SAMD12: variants seen among roughly 807,000 people sequenced by gnomAD.
SAMD12 encodes sterile alpha motif domain-containing protein 12.
In SAMD12, 9 loss-of-function variants were observed where a neutral mutation model predicts 15.0. The ratio of observed to expected loss-of-function variants is 0.60; its 90% CI spans 0.36 to 1.05. SAMD12 has a LOEUF of 1.05. Ranked by LOEUF, SAMD12 falls within the 50% of genes least tolerant of loss-of-function variation. SAMD12 has a pLI of 0.01. For synonymous variants in SAMD12, 86 were observed against 90.1 expected (o/e 0.96, Z 0.25); for missense variants, 230 against 234.2 (o/e 0.98, Z 0.12).
intron 4 of SAMD12, among the ~76,000 whole-genome samples, chr8:118,354,718 G>A (rs1047050488): frequency 6.6e-6 from 1 of 152,318 alleles, no homozygotes; most frequent in East Asian, 1.9e-4. Context: ...CATTTCAGAA[G>A]TTCTACTGGT....
rs75058625 is a variant in SAMD12, at chr8:118,414,837, A to T, written c.322+24995T>A. ...CCTAGTGGCGACACTAACCAGAAGG[A>T]CCCCTCCCTTTGCACAGAGTGGGAC... On this transcript the variant is annotated intron_variant, in intron 3 of 3. Transcript: ENST00000314727. Among the ~76,000 whole-genome samples the T allele has an allele frequency of 6.3e-3, 953 of 152,290 alleles. 42 individuals carry two copies. The East Asian group carries it at 0.12, about 20-fold the overall frequency.
At chr8:118,548,887 G>T (rs1283495618) in intron 2 of SAMD12, among the ~76,000 whole-genome samples, 3 of 152,372 alleles carry the variant, frequency 2.0e-5, no homozygotes, top group Non-Finnish European at 2.9e-5. Flanking sequence ...CCCGCACCTG[G>T]CTTGGAGGGT....
chr8:118,593,873 A>C (rs1381976487), intron 1 of SAMD12, among the ~76,000 whole-genome samples: 1 of 152,232 alleles, frequency 6.6e-6, no homozygotes, highest in African/African-American at 2.4e-5. Flanking sequence ...TAATGCCACT[A>C]TTCTAAAAAT....
At chr8:118,133,849 T>G in the SAMD12 span, among the ~76,000 whole-genome samples, 1 of 152,236 alleles carries the variant, frequency 6.6e-6, no homozygotes, top group East Asian at 1.9e-4. Flanking sequence ...TAAAAAATTA[T>G]TCTCCAGCTT....
At chr8:118,295,378 T>C (rs1814649580) in intron 4 of SAMD12, among the ~76,000 whole-genome samples, 1 of 152,208 alleles carries the variant, frequency 6.6e-6, no homozygotes, top group African/African-American at 2.4e-5. Flanking sequence ...TTCTAAAGCT[T>C]AGAGATGCTT....
At chr8:118,138,421 A>T in the SAMD12 span, among the ~76,000 whole-genome samples, 1 of 152,170 alleles carries the variant, frequency 6.6e-6, no homozygotes, top group Non-Finnish European at 1.5e-5. Flanking sequence ...CAGAGCCCTG[A>T]TATTTGGGAT....
In SAMD12 at chr8:118,579,057, T is replaced by C. The variant is rs76343875; in HGVS notation, c.192+1658A>G. Among the ~76,000 whole-genome samples the C allele has an allele frequency of 9.0e-3, 1,372 of 152,266 alleles. 46 individuals carry two copies. The highest frequency in any genetic ancestry group is 0.049 in the Admixed American group (754 of 15,278). ...GACACAAAATTTCAGGATTCACAAT[T>C]CACATATTCAAGATAATCAGAAATA... On this transcript the variant is annotated intron_variant, in intron 2 of 3. Transcript: ENST00000314727.
At chr8:118,551,346 C>G (rs933342248) in intron 2 of SAMD12, among the ~76,000 whole-genome samples, 1 of 152,120 alleles carries the variant, frequency 6.6e-6, no homozygotes, top group Non-Finnish European at 1.5e-5. Flanking sequence ...ATAGTGCAAT[C>G]AAACTAGAAC....
intron 2 of SAMD12, among the ~76,000 whole-genome samples, chr8:118,456,568 T>G (rs182384327): frequency 2.0e-5 from 3 of 152,316 alleles, no homozygotes; most frequent in Admixed American, 1.3e-4. Flanking sequence ...GAATAAAACC[T>G]TTTCTCCATG....
At chr8:118,239,929 G>A (rs950414484) in intron 4 of SAMD12, 2 of 152,052 alleles carry the variant, frequency 1.3e-5, no homozygotes, top group African/African-American at 4.8e-5. Context: ...CATGATCTTG[G>A]TCATTCTTTT....
the SAMD12 span, among the ~76,000 whole-genome samples, chr8:118,164,375 C>A: frequency 6.6e-6 from 1 of 152,166 alleles, no homozygotes; most frequent in Non-Finnish European, 1.5e-5. Context: ...CCACCCACGC[C>A]ACTGTCAAGG....
chr8:118,200,167 A>G (rs1408745959), intron 4 of SAMD12, among the ~76,000 whole-genome samples: 2 of 152,100 alleles, frequency 1.3e-5, no homozygotes, highest in Non-Finnish European at 2.9e-5. Context: ...GCCACGTGGA[A>G]CTGTGAGTCA....
exon 5 of SAMD12, chr8:118,191,757 TA>T (rs1163902203): frequency 0.022 from 146 of 6,720 alleles, 12 homozygotes; most frequent in African/African-American, 0.14. Context: ...TACTGGAGAT[TA>T]TATATATATA....
At chr8:118,170,699 A>G in the SAMD12 span, among the ~76,000 whole-genome samples, 1 of 152,196 alleles carries the variant, frequency 6.6e-6, no homozygotes, top group African/African-American at 2.4e-5. Flanking sequence ...TTAAAGATGT[A>G]GATGTAGAAG....
intron 2 of SAMD12, among the ~76,000 whole-genome samples, chr8:118,489,863 C>T (rs1360778353): frequency 2.6e-5 from 4 of 152,066 alleles, no homozygotes; most frequent in Non-Finnish European, 5.9e-5. Flanking sequence ...AACAACTACA[C>T]AAATTATTTG....
chr8:118,621,931 G>C lies in SAMD12; in HGVS notation c.-115C>G, dbSNP rs747108072. ...AAATATTCTGCGCTTATCTGCTCCA[G>C]GACCAACCTGCCGCGGTCACGCAAA... On this transcript the variant is annotated 5_prime_UTR_variant, in exon 1 of 4. Transcript: ENST00000314727. 2.4e-6 allele frequency: 3 copies of C among 1,258,474 alleles called. No homozygotes were observed. The highest frequency in any genetic ancestry group is 2.3e-6 in the Non-Finnish European group (2 of 858,018). The allele number at this position is 1,258,474 out of a possible 1,614,324, so 78.0% of individuals were successfully genotyped here. A position where few individuals can be genotyped will look rare whatever the true frequency, so the allele number is the denominator to read the frequency against.
chr8:118,184,984 G>A (rs1017058531), downstream of SAMD12, among the ~76,000 whole-genome samples: 5 of 141,974 alleles, frequency 3.5e-5, no homozygotes, highest in Admixed American at 7.1e-5. Flanking sequence ...AAAGATTTTT[G>A]GCTTAACCAA....
At chr8:118,197,305 A>AT (rs1007140899) in exon 5 of SAMD12, 2,006 of 218,414 alleles carry the variant, frequency 9.2e-3, no homozygotes, top group South Asian at 0.013. Flanking sequence ...AATTGCTGTA[A>AT]TTTTTTTTTT....
At chr8:118,426,855 A>T (rs1373939726) in intron 3 of SAMD12, among the ~76,000 whole-genome samples, 1 of 152,222 alleles carries the variant, frequency 6.6e-6, no homozygotes, top group Non-Finnish European at 1.5e-5. Context: ...TGGTGGTGAG[A>T]GTACTTTTTA....
Sources: gnomAD v4.1 joint callset for allele counts (sites outside exome capture counted in the v4.1 genomes callset) on GRCh38, gnomAD v4.1.1 for gene constraint, MANE v1.5 for transcripts, NCBI Gene and HGNC (gene_info 2026-07-23, HGNC 2026-07-21) for gene names.